The following ADCY1 variants were observed in gnomAD, a reference collection of about 807,000 sequenced individuals.
ADCY1 encodes adenylate cyclase type 1.
Under a neutral mutation model 105.4 loss-of-function variants are expected in ADCY1, and 28 were observed. The observed-to-expected ratio is 0.27, with a 90% CI of 0.20 to 0.36. The LOEUF is 0.36. ADCY1 is among the 10% of genes least tolerant of loss of function. The pLI is 1.00. For missense variants in ADCY1, 977 were observed against 1,434.2 expected, an observed-to-expected ratio of 0.68 and a Z score of 5.15; for synonymous variants, 655 against 623.8, an observed-to-expected ratio of 1.05 and a Z score of -0.75.
chr7:45,615,145 C>A (rs1721391953), intron 3 of ADCY1, among the ~76,000 whole-genome samples: 1 of 152,190 alleles, frequency 6.6e-6, no homozygotes, highest in African/African-American at 2.4e-5. Context: ...CAAGTCCTTA[C>A]AATTTCAAGA....
intron 18 of ADCY1, among the ~76,000 whole-genome samples, chr7:45,709,072 G>A (rs1400767345): frequency 6.6e-6 from 1 of 152,160 alleles, no homozygotes; most frequent in Non-Finnish European, 1.5e-5. Context: ...GTTCATGGTT[G>A]TTTTCGAATT....
intron 3 of ADCY1, among the ~76,000 whole-genome samples, chr7:45,613,241 A>C (rs1272453430): frequency 6.6e-6 from 1 of 152,216 alleles, no homozygotes; most frequent in Non-Finnish European, 1.5e-5. Context: ...GAAATAGAAA[A>C]TATTAACAAG....
At chr7:45,675,678 C>T (rs1198825709) in intron 8 of ADCY1, among the ~76,000 whole-genome samples, 2 of 151,952 alleles carry the variant, frequency 1.3e-5, no homozygotes, top group East Asian at 3.9e-4. Context: ...AATGTTTTCC[C>T]ACTTTTTTCT....
intron 3 of ADCY1, among the ~76,000 whole-genome samples, chr7:45,613,904 A>G (rs1187993640): frequency 1.3e-5 from 2 of 152,206 alleles, no homozygotes; most frequent in Admixed American, 1.3e-4. Context: ...GAGCAAGAAT[A>G]CTATGCCTAG....
At chr7:45,590,552 G>A (rs540616465) in intron 1 of ADCY1, among the ~76,000 whole-genome samples, 17 of 152,142 alleles carry the variant, frequency 1.1e-4, no homozygotes, top group Admixed American at 2.0e-4. Flanking sequence ...GATTCTGAGC[G>A]CTGAACACAC....
rs1562739893 is a variant in ADCY1 at position 45,719,992 on chromosome 7, T to C, written c.*5997T>C. 1 of 152,064 alleles carries C rather than the reference T, an allele frequency of 6.6e-6. No individual in the cohort carries two copies. The highest frequency in any genetic ancestry group is 1.5e-5 in the Non-Finnish European group (1 of 68,026). The allele number at this position is 152,064 out of a possible 1,614,324, so 9.4% of individuals were successfully genotyped here. On this transcript the variant is annotated 3_prime_UTR_variant, in exon 20 of 20. Coordinates refer to ENST00000297323, the MANE Select transcript of ADCY1 (RefSeq NM_021116.4). The stretch of plus-strand genomic sequence containing the variant: ...GGTTACTTATTTTTTCTTTTTGGGT[T>C]CTCGGTGTGCAGAGGCTGTAGAGAG...
chr7:45,685,716 G>T (rs1784658937), intron 12 of ADCY1, among the ~76,000 whole-genome samples: 1 of 152,184 alleles, frequency 6.6e-6, no homozygotes, highest in Admixed American at 6.5e-5. Context: ...GAGCCGCTGG[G>T]CTGGGGAGCA....
In ADCY1 at chr7:45,710,111, A is replaced by G. The variant is rs529369111; in HGVS notation, c.2933-417A>G. On this transcript the variant is annotated intron_variant, in intron 18 of 19. Transcript: ENST00000297323. The surrounding 1 kb of genome is among the most constrained non-coding windows in gnomAD (Gnocchi z 4.7). ...TTCTGAGAAAAGGTCCGGAGCTGCT[A>G]TTTTTCTGGAAGAGAGGATGCACTT... Among the ~76,000 whole-genome samples, 38 of 152,282 alleles carry G rather than the reference A, an allele frequency of 2.5e-4. No homozygotes were observed. The highest frequency in any genetic ancestry group is 2.0e-3 in the Admixed American group (31 of 15,298).
At chr7:45,618,776 A>G (rs1023154959) in intron 3 of ADCY1, among the ~76,000 whole-genome samples, 3 of 152,236 alleles carry the variant, frequency 2.0e-5, no homozygotes, top group African/African-American at 4.8e-5. Context: ...AATGTAAATT[A>G]GTACAGCCAT....
intron 8 of ADCY1, chr7:45,664,704 T>A (rs954367142): frequency 8.7e-5 from 20 of 231,068 alleles, no homozygotes; most frequent in Non-Finnish European, 1.4e-4. Context: ...TTTTTTTTTT[T>A]AATTGCCAAT....
At chr7:45,671,330 C>A (rs1270031859) in intron 8 of ADCY1, among the ~76,000 whole-genome samples, 1 of 152,170 alleles carries the variant, frequency 6.6e-6, no homozygotes, top group Non-Finnish European at 1.5e-5. Context: ...TTTAGTCATT[C>A]GCTTGTTGAA....
intron 19 of ADCY1, among the ~76,000 whole-genome samples, chr7:45,711,644 T>TATATATATACAC (rs1189707139): frequency 0.036 from 1,775 of 49,644 alleles, 51 homozygotes; most frequent in Non-Finnish European, 0.058. Context: ...TATATATATA[T>TATATATATACAC]ACACACACAC....
intron 19 of ADCY1, among the ~76,000 whole-genome samples, chr7:45,711,644 T>TATATATATATACATACAC (rs1189707139): frequency 3.9e-5 from 2 of 51,510 alleles, no homozygotes; most frequent in East Asian, 7.6e-4. Context: ...TATATATATA[T>TATATATATATACATACAC]ACACACACAC....
At position 45,718,817 on chromosome 7, in the gene ADCY1, A is replaced by G. The variant is rs1785408550; in HGVS notation, c.*4822A>G. ...TCAGGAGCAGGGGCAGGGCCTGAGG[A>G]CTGCTCCCCCTGCATGGAGGGCAGG... On this transcript the variant is annotated 3_prime_UTR_variant, in exon 20 of 20. Transcript: ENST00000297323. The G allele has an allele frequency of 6.6e-6, 1 of 152,540 alleles. No individual in the cohort carries two copies. Among genetic ancestry groups the G allele is most frequent in the South Asian group, 2.1e-4 (1 of 4,828 alleles). The allele number at this position is 152,540 out of a possible 1,614,324, so 9.4% of individuals were successfully genotyped here.
intron 5 of ADCY1, among the ~76,000 whole-genome samples, chr7:45,657,407 T>A (rs1340667393): frequency 2.6e-5 from 4 of 152,224 alleles, no homozygotes; most frequent in African/African-American, 9.6e-5. Context: ...CAGGTCCACC[T>A]GGGATTTGGG....
At chr7:45,701,273 C>G (rs901172145) in intron 14 of ADCY1, among the ~76,000 whole-genome samples, 1 of 152,084 alleles carries the variant, frequency 6.6e-6, no homozygotes, top group African/African-American at 2.4e-5. Context: ...CAGGGAAAGA[C>G]AGACGTTTCT....
chr7:45,595,351 C>T (rs747270573), intron 2 of ADCY1, among the ~76,000 whole-genome samples: 1 of 152,114 alleles, frequency 6.6e-6, no homozygotes, highest in Non-Finnish European at 1.5e-5. Flanking sequence ...ATGAGCTGCT[C>T]TGCAGTCCCT....
Position 45,710,446 on chromosome 7 carries a change from G to T in ADCY1, c.2933-82G>T. 6.5e-7 allele frequency: 1 copy of T among 1,549,256 alleles called. No homozygotes were observed. The highest frequency in any genetic ancestry group is 8.8e-7 in the Non-Finnish European group (1 of 1,142,494). On this transcript the variant is annotated intron_variant, in intron 18 of 19. Coordinates refer to ENST00000297323, the MANE Select transcript of ADCY1 (RefSeq NM_021116.4). The surrounding 1 kb of genome is among the most constrained non-coding windows in gnomAD (Gnocchi z 4.7). ...AGCAGCCTTTTCTCCACCAGGAGCAGCATCAGGTGCATTTGGTGGCCCTGG... is the reference window on the plus strand; with the variant it reads ...AGCAGCCTTTTCTCCACCAGGAGCATCATCAGGTGCATTTGGTGGCCCTGG...
intron 4 of ADCY1, among the ~76,000 whole-genome samples, chr7:45,635,598 CTTGTTT>C (rs1794379524): frequency 3.2e-5 from 1 of 31,430 alleles, no homozygotes; most frequent in Admixed American, 2.8e-4. Context: ...TCTAATTTCT[CTTGTTT>C]TTTTTTTTTT....
Sources: allele counts gnomAD v4.1 joint callset (sites outside exome capture counted in the v4.1 genomes callset), GRCh38; gene constraint gnomAD v4.1.1; non-coding constraint Gnocchi (gnomAD v3.1); transcripts MANE v1.5; gene names NCBI Gene and HGNC (gene_info 2026-07-23, HGNC 2026-07-21).